Variants in BCKDHB observed in about 807,000 individuals in gnomAD.
The protein encoded by BCKDHB is 2-oxoisovalerate dehydrogenase subunit beta, mitochondrial.
A neutral mutation model predicts 48.5 loss-of-function variants in BCKDHB; 41 were observed. The ratio of observed to expected loss-of-function variants is 0.85; its 90% CI spans 0.66 to 1.10. BCKDHB has a LOEUF of 1.10. BCKDHB is among the 50% of genes least tolerant of loss of function. BCKDHB has a pLI of 0.00. For missense variants in BCKDHB, 496 were observed against 494.2 expected (o/e 1.00, Z -0.03); for synonymous variants, 201 against 174.8 (o/e 1.15, Z -1.18).
intron 8 of BCKDHB, among the ~76,000 whole-genome samples, chr6:80,251,297 T>G (rs1776826593): frequency 6.6e-6 from 1 of 152,176 alleles, no homozygotes. Flanking sequence ...GCTATGATTT[T>G]TCAGATAAGT....
chr6:80,159,366 T>G (rs1772206286), intron 3 of BCKDHB, among the ~76,000 whole-genome samples: 1 of 152,180 alleles, frequency 6.6e-6, no homozygotes, highest in Non-Finnish European at 1.5e-5. Context: ...TCAGTTAGCA[T>G]CTAACATCTG....
At chr6:80,280,551 G>C (rs998140047) in intron 9 of BCKDHB, among the ~76,000 whole-genome samples, 2 of 152,174 alleles carry the variant, frequency 1.3e-5, no homozygotes, top group Non-Finnish European at 2.9e-5. Flanking sequence ...TATGGTGCTT[G>C]ATGTGGGCAT....
intron 1 of BCKDHB, among the ~76,000 whole-genome samples, chr6:80,126,351 G>A (rs937190775): frequency 1.3e-5 from 2 of 152,106 alleles, no homozygotes; most frequent in Non-Finnish European, 2.9e-5. Flanking sequence ...CTGCTGTGGA[G>A]CAATGCCAGG....
the BCKDHB span, among the ~76,000 whole-genome samples, chr6:80,398,264 T>A: frequency 7.9e-6 from 1 of 126,896 alleles, no homozygotes; most frequent in African/African-American, 3.0e-5. Context: ...GAAACAAAAA[T>A]CACACAAAAG....
chr6:80,452,031 G>A, the BCKDHB span, among the ~76,000 whole-genome samples: 8 of 152,178 alleles, frequency 5.3e-5, no homozygotes, highest in East Asian at 5.8e-4. Flanking sequence ...GGCTATGACT[G>A]CTGGCTCCTT....
At chr6:80,423,741 A>C in the BCKDHB span, among the ~76,000 whole-genome samples, 1 of 152,172 alleles carries the variant, frequency 6.6e-6, no homozygotes, top group Non-Finnish European at 1.5e-5. Flanking sequence ...CTGAACTTAT[A>C]ACAGTGTCTG....
At chr6:80,183,782 C>T (rs922894897) in intron 6 of BCKDHB, among the ~76,000 whole-genome samples, 2 of 152,086 alleles carry the variant, frequency 1.3e-5, no homozygotes, top group Non-Finnish European at 2.9e-5. Context: ...ACACTGATAG[C>T]TTTATTGTAT....
At chr6:80,123,958 TTC>T (rs1427208529) in intron 1 of BCKDHB, among the ~76,000 whole-genome samples, 2 of 152,198 alleles carry the variant, frequency 1.3e-5, no homozygotes, top group Non-Finnish European at 2.9e-5. Flanking sequence ...TTGCTCTTGC[TTC>T]TCTAGTTCTT....
At chr6:80,125,309 G>A (rs1026102930) in intron 1 of BCKDHB, among the ~76,000 whole-genome samples, 5 of 152,162 alleles carry the variant, frequency 3.3e-5, no homozygotes, top group Admixed American at 6.6e-5. Context: ...CCCTGGATTA[G>A]GCTTTGACTT....
At chr6:80,250,465 C>T (rs1055031487) in intron 8 of BCKDHB, among the ~76,000 whole-genome samples, 19 of 152,224 alleles carry the variant, frequency 1.2e-4, no homozygotes, top group Admixed American at 1.2e-3. Flanking sequence ...AAACCGTGAT[C>T]ACAGCCCTTG....
intron 6 of BCKDHB, among the ~76,000 whole-genome samples, chr6:80,198,432 T>C (rs1774232560): frequency 6.6e-6 from 1 of 152,318 alleles, no homozygotes; most frequent in East Asian, 1.9e-4. Context: ...AAAGTAGTTT[T>C]ATAGATTTTA....
At chr6:80,277,756 T>C (rs939079053) in intron 9 of BCKDHB, among the ~76,000 whole-genome samples, 1 of 152,016 alleles carries the variant, frequency 6.6e-6, no homozygotes, top group African/African-American at 2.4e-5. Flanking sequence ...TGTTACATCC[T>C]TTCTGTGCGG....
intron 6 of BCKDHB, among the ~76,000 whole-genome samples, chr6:80,177,668 A>C (rs1308851725): frequency 6.6e-6 from 1 of 152,214 alleles, no homozygotes; most frequent in African/African-American, 2.4e-5. Flanking sequence ...TCAGGGAAGC[A>C]TCAACTACTG....
chr6:80,270,056 A>C (rs1777671582), intron 8 of BCKDHB, among the ~76,000 whole-genome samples: 1 of 152,146 alleles, frequency 6.6e-6, no homozygotes, highest in Non-Finnish European at 1.5e-5. Flanking sequence ...TAATGATCTC[A>C]TTTTCACTAT....
At chr6:80,193,245 T>G (rs1008907132) in intron 6 of BCKDHB, among the ~76,000 whole-genome samples, 1 of 152,214 alleles carries the variant, frequency 6.6e-6, no homozygotes, top group Admixed American at 6.5e-5. Flanking sequence ...TGAGTTTAAG[T>G]GGGTCCAAGA....
chr6:80,194,266 T>C (rs939497932), intron 6 of BCKDHB, among the ~76,000 whole-genome samples: 1 of 152,198 alleles, frequency 6.6e-6, no homozygotes, highest in African/African-American at 2.4e-5. Context: ...TTCGAAATAG[T>C]TCAAACAAAA....
the BCKDHB span, among the ~76,000 whole-genome samples, chr6:80,450,128 G>A: frequency 6.6e-6 from 1 of 152,144 alleles, no homozygotes; most frequent in South Asian, 2.1e-4. Context: ...AGAGGAAAAA[G>A]TGCTATTGGG....
At chr6:80,317,800 C>T (rs1258048459) in intron 9 of BCKDHB, among the ~76,000 whole-genome samples, 3 of 152,184 alleles carry the variant, frequency 2.0e-5, no homozygotes, top group Admixed American at 6.5e-5. Context: ...TCTTCTACCT[C>T]ACCACAGTGG....
At chr6:80,150,173 A>G (rs1015226530) in intron 3 of BCKDHB, among the ~76,000 whole-genome samples, 1 of 150,838 alleles carries the variant, frequency 6.6e-6, no homozygotes, top group African/African-American at 2.4e-5. Context: ...TTCAAATCCA[A>G]CCTCTATTCT....
Sources: gnomAD v4.1 joint callset for allele counts (sites outside exome capture counted in the v4.1 genomes callset) on GRCh38, gnomAD v4.1.1 for gene constraint, MANE v1.5 for transcripts, NCBI Gene and HGNC (gene_info 2026-07-23, HGNC 2026-07-21) for gene names.